The following NDUFS7 variants were observed in gnomAD, a reference collection of about 807,000 sequenced individuals.
The protein encoded by NDUFS7 is NADH dehydrogenase [ubiquinone] iron-sulfur protein 7, mitochondrial.
A neutral mutation model predicts 31.1 loss-of-function variants in NDUFS7; 11 were observed. The ratio of observed to expected loss-of-function variants is 0.35; its 90% CI spans 0.22 to 0.59. NDUFS7 has a LOEUF of 0.59. Among genes scored for constraint, NDUFS7 ranks in the 20% least tolerant of loss-of-function variants. The probability of loss-of-function intolerance (pLI) is 0.79; values close to 1 mark genes in which losing one functional copy is unlikely to be tolerated. For missense variants in NDUFS7, 263 were observed against 324.2 expected (o/e 0.81, Z 1.45); for synonymous variants, 136 against 127.9 (o/e 1.06, Z -0.43).
At chr19:1,388,620 G>A (rs1409938063) in intron 3 of NDUFS7, 27 bp downstream of exon 3, 32 of 1,599,044 alleles carry the variant, frequency 2.0e-5, no homozygotes, top group Middle Eastern at 1.7e-4. Context: ...GGGGGAGGTC[G>A]TACCCCCTCG....
chr19:1,384,409 C>T (rs752017634), intron 1 of NDUFS7, among the ~76,000 whole-genome samples: 1 of 152,236 alleles, frequency 6.6e-6, no homozygotes, highest in Non-Finnish European at 1.5e-5. Flanking sequence ...CCTCCCTCCC[C>T]ACCCCTGGGA....
chr19:1,391,097 A>G (rs768159323), intron 5 of NDUFS7, 22 bp from the exon 6 acceptor site: 10 of 1,608,912 alleles, frequency 6.2e-6, no homozygotes, highest in South Asian at 2.2e-5. Context: ...TGAGCTGCGC[A>G]CGGACCCCGC....
chr19:1,390,527 G>C (rs748349820), intron 4 of NDUFS7: 5 of 441,786 alleles, frequency 1.1e-5, no homozygotes, highest in Non-Finnish European at 2.1e-5. Flanking sequence ...GAGAGTTCCC[G>C]GTTAGACCTG....
At position 1,391,220 on chromosome 19, in the gene NDUFS7, G is replaced by T; in HGVS notation, c.455+55G>T. On this transcript the variant is annotated intron_variant, in intron 6 of 7. Coordinates refer to ENST00000233627, the MANE Select transcript of NDUFS7 (RefSeq NM_024407.5). ...CAGACGTAGCGTGAGTGCTGGCCTG[G>T]CCGTGCCCTGATGGCGCTTATCAAA... 3.8e-6 allele frequency: 6 copies of T among 1,584,548 alleles called. No homozygotes were observed. The East Asian group carries it at 1.4e-4, about 36-fold the overall frequency.
chr19:1,390,981 C>T lies in NDUFS7; in HGVS notation c.339C>T (p.Ser113=), dbSNP rs981414364. The T allele has an allele frequency of 6.2e-7, 1 of 1,612,922 alleles. No individual in the cohort carries two copies. The highest frequency in any genetic ancestry group is 8.5e-7 in the Non-Finnish European group (1 of 1,179,822). The change falls in exon 5 of 8, where the codon AGC becomes AGT. Residue 113 remains serine (S), a synonymous_variant. Coordinates refer to ENST00000233627, the MANE Select transcript of NDUFS7 (RefSeq NM_024407.5). ...MDRFGVVFRA[S]PRQSDVMIVA... is the part of the protein sequence containing the mutation. Reference sequence around the variant, plus strand: ...GCTTTGGCGTGGTCTTCCGCGCCAGCCCGCGCCAGTCCGACGTCATGATCG... The same window carrying T: ...GCTTTGGCGTGGTCTTCCGCGCCAGTCCGCGCCAGTCCGACGTCATGATCG...
In NDUFS7 at chr19:1,391,059, C is replaced by G. The variant is rs370280943; in HGVS notation, c.408+9C>G. The G allele has an allele frequency of 3.1e-6, 5 of 1,612,838 alleles. No homozygotes were observed. Among genetic ancestry groups the G allele is most frequent in the Non-Finnish European group, 3.4e-6 (4 of 1,179,740 alleles). On this transcript the variant is annotated intron_variant, in intron 5 of 7. Coordinates refer to ENST00000233627, the MANE Select transcript of NDUFS7 (RefSeq NM_024407.5). ...CCCCAGCGCTTCGCAAGGTAGGCCT[C>G]GTCCCAGCCGCCCAGCCGCCCCCAG...
At chr19:1,394,110 C>T in intron 7 of NDUFS7, 1 of 338,778 alleles carries the variant, frequency 3.0e-6, no homozygotes, top group Non-Finnish European at 5.8e-6. Flanking sequence ...GAGAGCCCAG[C>T]CCTGAGTCCC....
intron 1 of NDUFS7, among the ~76,000 whole-genome samples, chr19:1,385,395 T>A (rs1055487122): frequency 2.6e-5 from 4 of 151,454 alleles, no homozygotes; most frequent in African/African-American, 9.7e-5. Flanking sequence ...ATGCCTGTAA[T>A]CGCAGCTACT....
intron 2 of NDUFS7, 85 bp downstream of exon 2, chr19:1,387,932 G>GGGGGGGGGGT: frequency 2.4e-6 from 1 of 416,856 alleles, no homozygotes; most frequent in Non-Finnish European, 4.7e-6. Context: ...GGGGGTGGGG[G>GGGGGGGGGGT]GAGCGCCTTG....
At chr19:1,387,454 C>T (rs1046565605) in intron 1 of NDUFS7, among the ~76,000 whole-genome samples, 8 of 152,196 alleles carry the variant, frequency 5.3e-5, no homozygotes, top group Admixed American at 2.6e-4. Context: ...AAGTGTGAGG[C>T]GGGGTGTCCC....
At chr19:1,395,040 C>G in intron 7 of NDUFS7, 1 of 1,190,430 alleles carries the variant, frequency 8.4e-7, no homozygotes, top group Non-Finnish European at 1.1e-6. Context: ...GGGCCCTGCT[C>G]CCCACTGCTA....
chr19:1,394,576 G>A (rs2082581265), intron 7 of NDUFS7: 2 of 1,246,598 alleles, frequency 1.6e-6, no homozygotes, highest in Non-Finnish European at 2.1e-6. Context: ...CTCCCTCCCT[G>A]CGGACCGCGC....
At chr19:1,394,488 C>CGCTCCTCCCTCCTTGGGGACCGT (rs1444859163) in intron 7 of NDUFS7, 7 of 1,267,568 alleles carry the variant, frequency 5.5e-6, no homozygotes, top group African/African-American at 4.8e-5. Flanking sequence ...CTGGGGACTG[C>CGCTCCTCCCTCCTTGGGGACCGT]GCTCCTCCCT....
intron 7 of NDUFS7, chr19:1,394,205 C>T: frequency 2.4e-6 from 1 of 416,922 alleles, no homozygotes; most frequent in Non-Finnish European, 4.2e-6. Flanking sequence ...GATTCCGCTT[C>T]CCTGGAAAGG....
intron 6 of NDUFS7, among the ~76,000 whole-genome samples, chr19:1,391,366 AC>A (rs1158948782): frequency 2.7e-5 from 4 of 149,662 alleles, no homozygotes; most frequent in African/African-American, 9.9e-5. Flanking sequence ...CCTCCCATCC[AC>A]CCCCACGCAG....
chr19:1,388,476 G>T, intron 2 of NDUFS7, 49 bp from the exon 3 acceptor site: 1 of 1,557,880 alleles, frequency 6.4e-7, no homozygotes, highest in Non-Finnish European at 8.8e-7. Context: ...GGCTGGGGGA[G>T]CTGGAGGGGC....
rs572988078 is a variant in NDUFS7 at position 1,393,168 on chromosome 19, G to A, written c.456-74G>A. ...CCTGCAGTTGAAGGCGGGTGGGGAT[G>A]GGGCGAGGCCTCGTGGAGGGAGGGT... is the stretch of plus-strand genomic sequence containing the variant. On this transcript the variant is annotated intron_variant, in intron 6 of 7. Transcript: ENST00000233627. The surrounding 1 kb of genome is among the most constrained non-coding windows in gnomAD (Gnocchi z 7.3). 4 of 1,251,600 alleles carry A rather than the reference G, an allele frequency of 3.2e-6. No individual in the cohort carries two copies. Among genetic ancestry groups the A allele is most frequent in the Non-Finnish European group, 4.5e-6 (4 of 885,476 alleles). 77.5% of individuals were successfully genotyped at this position (1,251,600 alleles called of 1,614,324 possible).
Sources: allele counts gnomAD v4.1 joint callset (sites outside exome capture counted in the v4.1 genomes callset), GRCh38; gene constraint gnomAD v4.1.1; non-coding constraint Gnocchi (gnomAD v3.1); transcripts MANE v1.5; gene names NCBI Gene and HGNC (gene_info 2026-07-23, HGNC 2026-07-21).